CDKAL1: variants seen among roughly 807,000 people sequenced by gnomAD.
CDKAL1 encodes threonylcarbamoyladenosine tRNA methylthiotransferase.
CDKAL1 carries 32 observed loss-of-function variants against 68.2 expected under a neutral mutation model. The observed-to-expected ratio is 0.47, with a 90% CI of 0.35 to 0.63. The LOEUF is 0.63. CDKAL1 is among the 30% of genes least tolerant of loss of function. The pLI is 0.00. For missense variants in CDKAL1, 606 were observed against 696.7 expected, an observed-to-expected ratio of 0.87 and a Z score of 1.47; for synonymous variants, 234 against 244.3, an observed-to-expected ratio of 0.96 and a Z score of 0.39.
At chr6:20,538,857 CATTT>C (rs1401071547) in intron 2 of CDKAL1, among the ~76,000 whole-genome samples, 1 of 152,162 alleles carries the variant, frequency 6.6e-6, no homozygotes, top group Non-Finnish European at 1.5e-5. Context: ...TGTGTTCATT[CATTT>C]AGTCAGTAAC....
intron 11 of CDKAL1, among the ~76,000 whole-genome samples, chr6:21,005,950 C>T (rs73379547): frequency 0.011 from 1,613 of 152,086 alleles, 27 homozygotes; most frequent in African/African-American, 0.036. Context: ...GTGATCTCTC[C>T]GCTGTATACT....
At chr6:21,097,399 C>T (rs760931402) in intron 12 of CDKAL1, among the ~76,000 whole-genome samples, 1 of 151,540 alleles carries the variant, frequency 6.6e-6, no homozygotes, top group Non-Finnish European at 1.5e-5. Context: ...ACCTGGGAGG[C>T]AGAGGTTGCA....
chr6:21,154,740 A>G (rs1338634911), intron 13 of CDKAL1, among the ~76,000 whole-genome samples: 1 of 152,198 alleles, frequency 6.6e-6, no homozygotes, highest in Non-Finnish European at 1.5e-5. Context: ...CTGTAATCCC[A>G]GCACTTTGGG....
chr6:20,644,713 A>G (rs4710939), intron 4 of CDKAL1, among the ~76,000 whole-genome samples: 62,194 of 152,064 alleles, frequency 0.41, 12,970 homozygotes, highest in Admixed American at 0.48. Context: ...AGAATCTCCT[A>G]TGTTCAGCGG....
chr6:21,087,005 T>G (rs1411328218), intron 12 of CDKAL1, among the ~76,000 whole-genome samples: 3 of 152,192 alleles, frequency 2.0e-5, no homozygotes, highest in African/African-American at 7.2e-5. Context: ...CCAATAACTC[T>G]CTTGTTTATT....
At chr6:20,755,187 G>T (rs1774114786) in intron 6 of CDKAL1, among the ~76,000 whole-genome samples, 1 of 152,042 alleles carries the variant, frequency 6.6e-6, no homozygotes. Context: ...TAGGAAATTT[G>T]ACCAACTCTT....
intron 6 of CDKAL1, among the ~76,000 whole-genome samples, chr6:20,749,328 G>A (rs920626847): frequency 1.3e-5 from 2 of 152,098 alleles, no homozygotes; most frequent in African/African-American, 4.8e-5. Flanking sequence ...TCTTACCACT[G>A]TGTCCCTAAT....
intron 8 of CDKAL1, among the ~76,000 whole-genome samples, chr6:20,821,259 A>G (rs1480821587): frequency 2.0e-5 from 3 of 152,014 alleles, no homozygotes; most frequent in African/African-American, 7.2e-5. Flanking sequence ...TGTAGGGACG[A>G]TATCCTGTCG....
intron 4 of CDKAL1, among the ~76,000 whole-genome samples, chr6:20,577,336 G>A (rs1034033985): frequency 2.6e-5 from 4 of 152,196 alleles, no homozygotes; most frequent in East Asian, 1.9e-4. Flanking sequence ...TGTAGGGGGC[G>A]GGGGTTAGGT....
intron 13 of CDKAL1, among the ~76,000 whole-genome samples, chr6:21,179,953 C>T (rs1292647277): frequency 6.6e-6 from 1 of 152,046 alleles, no homozygotes; most frequent in Non-Finnish European, 1.5e-5. Flanking sequence ...CCCGGGAAGT[C>T]GAGGCTGCAG....
intron 4 of CDKAL1, among the ~76,000 whole-genome samples, chr6:20,562,173 T>A (rs547675346): frequency 6.6e-6 from 1 of 152,294 alleles, no homozygotes; most frequent in Non-Finnish European, 1.5e-5. Flanking sequence ...GTATTACTTG[T>A]ATTCACTTGA....
At chr6:20,859,108 T>C (rs944060902) in intron 9 of CDKAL1, among the ~76,000 whole-genome samples, 1 of 152,094 alleles carries the variant, frequency 6.6e-6, no homozygotes, top group African/African-American at 2.4e-5. Context: ...GCTATAAAAA[T>C]AGAAATTTGA....
At position 21,230,746 on chromosome 6, in the gene CDKAL1, C is replaced by T. The variant is rs1012879792; in HGVS notation, c.1549-102C>T. 14 of 890,838 alleles carry T rather than the reference C, an allele frequency of 1.6e-5. No individual in the cohort carries two copies. In the Middle Eastern group the frequency reaches 1.1e-3, roughly 68 times the overall value. The allele number at this position is 890,838 out of a possible 1,614,324, so 55.2% of individuals were successfully genotyped here. ...CAAACGTGTCTCTGTTGAAGGAGTACATAAAAGGCGGCACCTTCTGGAACC... is the reference window on the plus strand; with the variant it reads ...CAAACGTGTCTCTGTTGAAGGAGTATATAAAAGGCGGCACCTTCTGGAACC... On this transcript the variant is annotated intron_variant, in intron 15 of 15. Transcript: ENST00000274695.
At chr6:20,868,959 G>A (rs1003024549) in intron 9 of CDKAL1, among the ~76,000 whole-genome samples, 1 of 152,206 alleles carries the variant, frequency 6.6e-6, no homozygotes, top group Non-Finnish European at 1.5e-5. Context: ...CTGCTACCAG[G>A]TGGGGCCCTG....
At position 20,671,832 on chromosome 6, in the gene CDKAL1, G is replaced by A. The variant is rs139465477; in HGVS notation, c.371+22455G>A. Among the ~76,000 whole-genome samples the A allele has an allele frequency of 2.1e-3, 327 of 152,098 alleles. 1 individual carries two copies. Among genetic ancestry groups the A allele is most frequent in the Middle Eastern group, 0.01 (3 of 294 alleles). On this transcript the variant is annotated intron_variant, in intron 5 of 15. Coordinates refer to ENST00000274695, the MANE Select transcript of CDKAL1 (RefSeq NM_017774.3). ...TGGCTTACTACAGCCTTGAGATCAT[G>A]GACCAACATGATTCTCCTGCCTCTG...
intron 13 of CDKAL1, among the ~76,000 whole-genome samples, chr6:21,138,898 C>T (rs1775755855): frequency 1.3e-5 from 2 of 152,216 alleles, no homozygotes; most frequent in African/African-American, 4.8e-5. Flanking sequence ...GCAAGCTTCT[C>T]CTTTCTCCTT....
At chr6:20,965,474 C>T (rs1048746064) in intron 10 of CDKAL1, among the ~76,000 whole-genome samples, 3 of 151,942 alleles carry the variant, frequency 2.0e-5, no homozygotes, top group African/African-American at 7.3e-5. Flanking sequence ...AATATCTATC[C>T]TGGGTCATGT....
chr6:20,944,075 A>G (rs1764116605), intron 9 of CDKAL1, among the ~76,000 whole-genome samples: 5 of 152,080 alleles, frequency 3.3e-5, no homozygotes. Context: ...TAACCTTCCA[A>G]ACTCCAACCT....
At chr6:20,858,704 C>A (rs1482296269) in intron 9 of CDKAL1, among the ~76,000 whole-genome samples, 1 of 152,098 alleles carries the variant, frequency 6.6e-6, no homozygotes, top group Non-Finnish European at 1.5e-5. Context: ...GATACATTTA[C>A]ATGATGGAGT....
Sources: gnomAD v4.1 joint callset for allele counts (sites outside exome capture counted in the v4.1 genomes callset) on GRCh38, gnomAD v4.1.1 for gene constraint, MANE v1.5 for transcripts, NCBI Gene and HGNC (gene_info 2026-07-23, HGNC 2026-07-21) for gene names.